IMPG2: variants seen among roughly 807,000 people sequenced by gnomAD.
IMPG2 encodes IPM 200.
IMPG2 carries 91 observed loss-of-function variants against 129.2 expected under a neutral mutation model. The ratio of observed to expected loss-of-function variants is 0.70; its 90% CI spans 0.59 to 0.84. IMPG2 has a LOEUF of 0.84. IMPG2 is among the 40% of genes least tolerant of loss of function. IMPG2 has a pLI of 0.00. For missense variants in IMPG2, 1,430 were observed against 1,461.7 expected (o/e 0.98, Z 0.35); for synonymous variants, 510 against 517.7 (o/e 0.99, Z 0.20).
chr3:101,294,992 A>G (rs1390035774), intron 3 of IMPG2, among the ~76,000 whole-genome samples: 1 of 152,054 alleles, frequency 6.6e-6, no homozygotes, highest in Admixed American at 6.6e-5. Context: ...CCTTTGTCAG[A>G]TGGGTAGATT....
chr3:101,275,014 T>C (rs1243459066), intron 6 of IMPG2, among the ~76,000 whole-genome samples: 1 of 151,864 alleles, frequency 6.6e-6, no homozygotes, highest in Non-Finnish European at 1.5e-5. Flanking sequence ...GCAAGAGAAC[T>C]AAATTGCATC....
At chr3:101,302,758 A>G (rs1183598478) in intron 3 of IMPG2, among the ~76,000 whole-genome samples, 1 of 152,198 alleles carries the variant, frequency 6.6e-6, no homozygotes, top group Admixed American at 6.5e-5. Context: ...AAAATGTGGC[A>G]GGCAAAAAAC....
chr3:101,312,384 G>T (rs1343166061), intron 2 of IMPG2, among the ~76,000 whole-genome samples: 1 of 151,854 alleles, frequency 6.6e-6, no homozygotes, highest in Non-Finnish European at 1.5e-5. Flanking sequence ...CATTTTCAAA[G>T]GAAGATATAC....
At chr3:101,308,923 T>C (rs575469255) in intron 2 of IMPG2, among the ~76,000 whole-genome samples, 1 of 152,302 alleles carries the variant, frequency 6.6e-6, no homozygotes, top group Non-Finnish European at 1.5e-5. Context: ...CTTTGCAGCT[T>C]AGAAATTTCT....
rs750183083 is a variant in IMPG2 at position 101,228,807 on chromosome 3, C to G, written c.3703G>C (p.Glu1235Gln). 5.6e-6 allele frequency: 9 copies of G among 1,613,646 alleles called. No homozygotes were observed. In the East Asian group the frequency reaches 1.8e-4, roughly 32 times the overall value. Reference protein sequence around the residue: ...NDPEFAAFVREQQVEEV With the variant: ...NDPEFAAFVRQQQVEEV ...GTTTCAAAAGCTTACACTTGTTGCT[C>G]TCTCACAAAAGCTGCAAACTCAGGA... The change falls in exon 18 of 19, where the codon GAG becomes CAG. Residue 1235 changes from glutamate (E) to glutamine (Q), a missense_variant. Transcript: ENST00000193391.
Position 101,269,509 on chromosome 3 carries a change from A to G in IMPG2, c.887+6T>C, listed in dbSNP as rs750099594. 5.9e-6 allele frequency: 9 copies of G among 1,525,214 alleles called. No homozygotes were observed. Among genetic ancestry groups the G allele is most frequent in the Non-Finnish European group, 8.2e-6 (9 of 1,099,212 alleles). 94.5% of individuals were successfully genotyped at this position (1,525,214 alleles called of 1,614,324 possible). On this transcript the variant is annotated splice_donor_region_variant and intron_variant, in intron 8 of 18. Coordinates refer to ENST00000193391, the MANE Select transcript of IMPG2 (RefSeq NM_016247.4). ...AAAATGTGCATATTTAGATAAGTCT[A>G]TTTACCTAAATTCAAGTACACGAAT...
chr3:101,318,916 T>C (rs1233583733), intron 2 of IMPG2, among the ~76,000 whole-genome samples: 12 of 152,088 alleles, frequency 7.9e-5, no homozygotes, highest in Non-Finnish European at 1.2e-4. Flanking sequence ...CAAAATAAAA[T>C]GTGAGATTTT....
At position 101,226,828 on chromosome 3, in the gene IMPG2, A is replaced by C; in HGVS notation, c.*141T>G. On this transcript the variant is annotated 3_prime_UTR_variant, in exon 19 of 19. Transcript: ENST00000193391. Reference sequence around the variant, plus strand: ...TCTGAAAACTTAAGCTGAAAAAAAAACAGTGTGCCCTATATTTAATTTTTT... The same window carrying C: ...TCTGAAAACTTAAGCTGAAAAAAAACCAGTGTGCCCTATATTTAATTTTTT... 3 of 808,194 alleles carry C rather than the reference A, an allele frequency of 3.7e-6. No homozygotes were observed. The highest frequency in any genetic ancestry group is 1.7e-5 in the South Asian group (1 of 59,350). 50.1% of individuals were successfully genotyped at this position (808,194 alleles called of 1,614,324 possible).
chr3:101,247,233 C>T (rs934794628), intron 11 of IMPG2, among the ~76,000 whole-genome samples: 2 of 152,084 alleles, frequency 1.3e-5, no homozygotes, highest in African/African-American at 4.8e-5. Flanking sequence ...GGAAAAAACT[C>T]GTAAAATATT....
intron 3 of IMPG2, among the ~76,000 whole-genome samples, chr3:101,303,249 C>A (rs1707156534): frequency 6.6e-6 from 1 of 152,086 alleles, no homozygotes; most frequent in African/African-American, 2.4e-5. Context: ...TATTTACTAC[C>A]TTATGGGAAT....
At chr3:101,256,200 AG>A (rs1216625489) in intron 10 of IMPG2, among the ~76,000 whole-genome samples, 2 of 151,264 alleles carry the variant, frequency 1.3e-5, no homozygotes, top group African/African-American at 4.9e-5. Flanking sequence ...AAAGAAAGAA[AG>A]AAAGAAAGAA....
intron 17 of IMPG2, 113 bp downstream of exon 17, chr3:101,229,267 A>G: frequency 1.1e-6 from 1 of 895,738 alleles, no homozygotes; most frequent in South Asian, 1.4e-5. Flanking sequence ...ACTTTCTTAA[A>G]GTCCATGTGC....
At position 101,246,034 on chromosome 3, in the gene IMPG2, G is replaced by T; in HGVS notation, c.1311C>A (p.Phe437Leu). The T allele has an allele frequency of 6.2e-7, 1 of 1,614,146 alleles. No individual in the cohort carries two copies. Among genetic ancestry groups the T allele is most frequent in the African/African-American group, 1.3e-5 (1 of 75,038 alleles). ...CAGTGGCTGAGGGAGGACCAGAGCT[G>T]AAATCAAGTGGTGGAATACTGCTGG... ...SITSSIPPLD[F>L]SSGPPSATGR... The change falls in exon 12 of 19, where the codon TTC (phenylalanine) becomes TTA (leucine). Residue 437 changes from phenylalanine to leucine, a missense_variant. Transcript: ENST00000193391.
chr3:101,268,481 C>A (rs1224051649), intron 8 of IMPG2, among the ~76,000 whole-genome samples: 4 of 152,178 alleles, frequency 2.6e-5, no homozygotes, highest in Non-Finnish European at 5.9e-5. Flanking sequence ...TTCCACTAAG[C>A]CTGCATCACT....
At chr3:101,295,278 A>G (rs1707067005) in intron 3 of IMPG2, among the ~76,000 whole-genome samples, 1 of 152,214 alleles carries the variant, frequency 6.6e-6, no homozygotes, top group Non-Finnish European at 1.5e-5. Flanking sequence ...GAAGGGGTCC[A>G]ATTTCAGTTT....
rs74396745 is a variant in IMPG2 at position 101,245,168 on chromosome 3, C to T, written c.1544-381G>A. ...TGTTTCTCTTTGAATTCTCATTTTG[C>T]CTGTTATGTTTATTGTCCATCATCC... On this transcript the variant is annotated intron_variant, in intron 12 of 18. Coordinates refer to ENST00000193391, the MANE Select transcript of IMPG2 (RefSeq NM_016247.4). Among the ~76,000 whole-genome samples the T allele has an allele frequency of 3.5e-3, 540 of 152,164 alleles. 4 individuals carry two copies. Among genetic ancestry groups the T allele is most frequent in the African/African-American group, 0.012 (511 of 41,536 alleles).
intron 10 of IMPG2, among the ~76,000 whole-genome samples, chr3:101,254,139 A>G (rs1027517883): frequency 1.3e-5 from 2 of 152,088 alleles, no homozygotes; most frequent in Admixed American, 1.3e-4. Context: ...TGAAATTTCA[A>G]TTCCTTTGGT....
chr3:101,303,768 ACT>A (rs1707161828), intron 3 of IMPG2, among the ~76,000 whole-genome samples: 3 of 152,278 alleles, frequency 2.0e-5, no homozygotes, highest in Admixed American at 2.0e-4. Context: ...ATTGCTATTC[ACT>A]CTGAGTTGAT....
chr3:101,275,703 T>G lies in IMPG2; in HGVS notation c.626A>C (p.Glu209Ala), dbSNP rs754010526. Residue 209 changes from glutamate to alanine, a missense_variant, in exon 6 of 19, where the codon GAA becomes GCA. Glu to Ala is a moderately radical substitution (Grantham distance 107). Transcript: ENST00000193391. ...SVPHPEVDAY[E>A]GASESSLERP... ...TTCCAAGCTGCTCTCTGAGGCACCT[T>G]CATAGGCGTCCACCTCTGGATGTGG... 6.2e-7 allele frequency: 1 copy of G among 1,613,996 alleles called. No homozygotes were observed. Among genetic ancestry groups the G allele is most frequent in the Non-Finnish European group, 8.5e-7 (1 of 1,179,886 alleles).
Sources: gnomAD v4.1 joint callset for allele counts (sites outside exome capture counted in the v4.1 genomes callset) on GRCh38, gnomAD v4.1.1 for gene constraint, MANE v1.5 for transcripts, NCBI Gene and HGNC (gene_info 2026-07-23, HGNC 2026-07-21) for gene names.